Variants in RASGRP1 observed in about 807,000 individuals in gnomAD.
RASGRP1 encodes the protein RAS guanyl releasing protein 1, also known as RAS guanyl-releasing protein 1.
A neutral mutation model predicts 95.1 loss-of-function variants in RASGRP1; 37 were observed. That is an observed-to-expected ratio of 0.39 (90% CI 0.30 to 0.51). RASGRP1 has a LOEUF of 0.51. RASGRP1 is among the 20% of genes least tolerant of loss of function. The pLI, the probability that RASGRP1 is intolerant of heterozygous loss-of-function variation, is 0.80. For missense variants in RASGRP1, 711 were observed against 965.4 expected, an observed-to-expected ratio of 0.74 and a Z score of 3.49; for synonymous variants, 325 against 353.4, an observed-to-expected ratio of 0.92 and a Z score of 0.90.
At chr15:38,542,860 TACACATATATGTGTATATATATACAC>T (rs1484095738) in intron 2 of RASGRP1, among the ~76,000 whole-genome samples, 1 of 122,478 alleles carries the variant, frequency 8.2e-6, no homozygotes, top group Non-Finnish European at 1.6e-5. Context: ...TGTATATATA[TACACATATATGTGTATATATATACAC>T]ATATATGTGT....
chr15:38,522,191 C>T (rs1265830923), intron 3 of RASGRP1, among the ~76,000 whole-genome samples: 2 of 152,150 alleles, frequency 1.3e-5, no homozygotes, highest in African/African-American at 4.8e-5. Flanking sequence ...AGACGACACA[C>T]AAATAGGTAA....
rs1566933535 is a variant in RASGRP1, at chr15:38,542,897, A to ATATATATACACATATATGTG, written c.221-16494_221-16493insCACATATATGTGTATATATA. ...TGTATATATATACACATATATGTGT[A>ATATATATACACATATATGTG]TATATATACACATATATATGTGTGT... On this transcript the variant is annotated intron_variant, in intron 2 of 16. Coordinates refer to ENST00000310803, the MANE Select transcript of RASGRP1 (RefSeq NM_005739.4). 4.1e-3 allele frequency among the ~76,000 whole-genome samples: 578 copies of ATATATATACACATATATGTG among 139,432 alleles called. 3 individuals carry two copies. The highest frequency in any genetic ancestry group is 0.041 in the South Asian group (175 of 4,306). The allele number at this position is 139,432 out of a possible 152,430, so 91.5% of individuals were successfully genotyped here.
chr15:38,534,815 A>C (rs1892579497), intron 2 of RASGRP1, among the ~76,000 whole-genome samples: 1 of 152,206 alleles, frequency 6.6e-6, no homozygotes, highest in African/African-American at 2.4e-5. Context: ...GAAGGAAAAG[A>C]ACCCATGCTT....
At chr15:38,544,596 G>C (rs1312847538) in intron 2 of RASGRP1, among the ~76,000 whole-genome samples, 1 of 152,212 alleles carries the variant, frequency 6.6e-6, no homozygotes, top group Non-Finnish European at 1.5e-5. Flanking sequence ...CTCTGTCTGT[G>C]TGATGCCTTC....
In RASGRP1 at chr15:38,494,973, C is replaced by G. The variant is rs568855406; in HGVS notation, c.1874-206G>C. ...CATGGCCACTGGTGTCAAGCTACAT[C>G]CACCCTGAGAAAGAGCATCTTCTGT... is the stretch of plus-strand genomic sequence containing the variant. On this transcript the variant is annotated intron_variant, in intron 15 of 16. Coordinates refer to ENST00000310803, the MANE Select transcript of RASGRP1 (RefSeq NM_005739.4). Among the ~76,000 whole-genome samples the G allele has an allele frequency of 1.1e-4, 17 of 152,320 alleles. No homozygotes were observed. The South Asian group carries it at 3.5e-3, about 32-fold the overall frequency.
chr15:38,497,334 G>C (rs1406247377), intron 15 of RASGRP1, among the ~76,000 whole-genome samples: 1 of 151,736 alleles, frequency 6.6e-6, no homozygotes, highest in Admixed American at 6.6e-5. Context: ...TGTCATTTAA[G>C]ACTCTCTAGA....
intron 2 of RASGRP1, among the ~76,000 whole-genome samples, chr15:38,541,585 C>G (rs1160900523): frequency 6.6e-6 from 1 of 152,148 alleles, no homozygotes; most frequent in Non-Finnish European, 1.5e-5. Context: ...GAGCAAGACC[C>G]TGTCATTTAT....
intron 6 of RASGRP1, among the ~76,000 whole-genome samples, chr15:38,515,542 G>A (rs2141120542): frequency 6.6e-6 from 1 of 152,278 alleles, no homozygotes; most frequent in Non-Finnish European, 1.5e-5. Flanking sequence ...TGTACCTGAT[G>A]ATCAACTGAA....
At chr15:38,558,680 A>C (rs1893674466) in intron 2 of RASGRP1, among the ~76,000 whole-genome samples, 2 of 152,258 alleles carry the variant, frequency 1.3e-5, no homozygotes, top group Admixed American at 1.3e-4. Flanking sequence ...TCCATGTGTG[A>C]TTCTGACACT....
chr15:38,502,114 C>G (rs1891054580), intron 12 of RASGRP1, among the ~76,000 whole-genome samples, 198 bp downstream of exon 12: 1 of 152,198 alleles, frequency 6.6e-6, no homozygotes, highest in Non-Finnish European at 1.5e-5. Context: ...CTCGGCCTCC[C>G]AAAGTGTTGG....
chr15:38,551,838 AGACC>A (rs1396805288), intron 2 of RASGRP1, among the ~76,000 whole-genome samples: 2 of 152,236 alleles, frequency 1.3e-5, no homozygotes, highest in African/African-American at 4.8e-5. Context: ...GGATATGAAC[AGACC>A]GTTCATAAAA....
In RASGRP1 at chr15:38,501,292, C is replaced by T. The variant is rs375298889; in HGVS notation, c.1539-5G>A. On this transcript the variant is annotated splice_polypyrimidine_tract_variant and splice_region_variant and intron_variant, in intron 12 of 16. Coordinates refer to ENST00000310803, the MANE Select transcript of RASGRP1 (RefSeq NM_005739.4). ...TCCCTGCTGATGAGGCCTTCCCTGC[C>T]GGCAGATGACCAAGGCAAGGATGTG... 8.9e-5 allele frequency: 143 copies of T among 1,612,738 alleles called. 1 individual carries two copies. The highest frequency in any genetic ancestry group is 8.1e-4 in the African/African-American group (61 of 74,880).
At chr15:38,511,287 C>T (rs796085571) in intron 8 of RASGRP1, among the ~76,000 whole-genome samples, 18 of 152,244 alleles carry the variant, frequency 1.2e-4, no homozygotes, top group African/African-American at 2.6e-4. Flanking sequence ...GGAGCTGGAG[C>T]GAGGGAATCA....
At chr15:38,539,547 CG>C (rs1404555948) in intron 2 of RASGRP1, among the ~76,000 whole-genome samples, 7 of 73,918 alleles carry the variant, frequency 9.5e-5, no homozygotes, top group African/African-American at 2.9e-4. Flanking sequence ...CCTGCATTGC[CG>C]TTTTTTTTTT....
At chr15:38,542,801 A>C (rs939969242) in intron 2 of RASGRP1, among the ~76,000 whole-genome samples, 1 of 149,420 alleles carries the variant, frequency 6.7e-6, no homozygotes, top group Non-Finnish European at 1.5e-5. Flanking sequence ...CTAGCATAAA[A>C]TGAAGTTCTT....
At chr15:38,547,866 CGTGT>C in intron 2 of RASGRP1, among the ~76,000 whole-genome samples, 1 of 150,570 alleles carries the variant, frequency 6.6e-6, no homozygotes, top group African/African-American at 2.4e-5. Flanking sequence ...TGCGCGCGCG[CGTGT>C]GTGTGTGTGT....
At chr15:38,537,700 A>G (rs923841288) in intron 2 of RASGRP1, among the ~76,000 whole-genome samples, 5 of 152,156 alleles carry the variant, frequency 3.3e-5, no homozygotes, top group African/African-American at 1.2e-4. Context: ...ACCAGGCCCC[A>G]TCTCCAACAT....
chr15:38,550,049 G>A (rs1014297374), intron 2 of RASGRP1, among the ~76,000 whole-genome samples: 1 of 151,840 alleles, frequency 6.6e-6, no homozygotes, highest in Non-Finnish European at 1.5e-5. Flanking sequence ...CTTGAGCTCA[G>A]GAGTTCAAGG....
chr15:38,502,358 T>C lies in RASGRP1; in HGVS notation c.1492A>G (p.Ile498Val). Residue 498 changes from isoleucine (I) to valine (V), a missense_variant, in exon 12 of 17, where the codon ATT becomes GTT. Ile to Val is a conservative substitution (Grantham distance 29). Transcript: ENST00000310803. ...GYISQEEFEK[I>V]AASFPFSFCV... ...AAGGAAAATGGAAAACTCGCAGCAA[T>C]CTTTTCAAATTCTTCCTGAGAAATG... 1 of 1,606,634 alleles carries C rather than the reference T, an allele frequency of 6.2e-7. No homozygotes were observed. The highest frequency in any genetic ancestry group is 8.5e-7 in the Non-Finnish European group (1 of 1,173,292).
Sources: gnomAD v4.1 joint callset for allele counts (sites outside exome capture counted in the v4.1 genomes callset) on GRCh38, gnomAD v4.1.1 for gene constraint, MANE v1.5 for transcripts, NCBI Gene and HGNC (gene_info 2026-07-23, HGNC 2026-07-21) for gene names.